The following SLC24A2 variants were observed in gnomAD, a reference collection of about 807,000 sequenced individuals.
The protein encoded by SLC24A2 is sodium/potassium/calcium exchanger 2.
Under a neutral mutation model 62.0 loss-of-function variants are expected in SLC24A2, and 36 were observed. The ratio of observed to expected loss-of-function variants is 0.58; its 90% confidence interval spans 0.44 to 0.77. SLC24A2 has a LOEUF of 0.77. SLC24A2 is among the 30% of genes least tolerant of loss of function. The probability of loss-of-function intolerance (pLI) is 0.00; values close to 1 mark genes in which losing one functional copy is unlikely to be tolerated. For missense variants in SLC24A2, 846 were observed against 817.9 expected (o/e 1.03, Z -0.42); for synonymous variants, 358 against 294.0 (o/e 1.22, Z -2.23).
the SLC24A2 span, among the ~76,000 whole-genome samples, chr9:19,902,741 C>T: frequency 6.6e-6 from 1 of 152,160 alleles, no homozygotes; most frequent in Non-Finnish European, 1.5e-5. Context: ...GCCATATTTT[C>T]AGAGTGAGAA....
At chr9:20,305,153 C>T in the SLC24A2 span, among the ~76,000 whole-genome samples, 8 of 149,142 alleles carry the variant, frequency 5.4e-5, no homozygotes, top group South Asian at 2.1e-4. Flanking sequence ...TCTGTCACCA[C>T]GCTGGAGTGC....
the SLC24A2 span, among the ~76,000 whole-genome samples, chr9:19,945,817 A>G: frequency 2.0e-5 from 3 of 152,236 alleles, no homozygotes; most frequent in African/African-American, 7.2e-5. Flanking sequence ...CAGTGTGAAT[A>G]AACTGGTTTT....
chr9:20,134,196 T>G, the SLC24A2 span, among the ~76,000 whole-genome samples: 1 of 152,258 alleles, frequency 6.6e-6, no homozygotes, highest in Admixed American at 6.5e-5. Flanking sequence ...ACCTGAAAGG[T>G]CTACCATGAT....
chr9:19,851,027 A>ATTTT, the SLC24A2 span, among the ~76,000 whole-genome samples: 2 of 55,256 alleles, frequency 3.6e-5, no homozygotes, highest in Admixed American at 2.6e-4. Flanking sequence ...ATATATACAT[A>ATTTT]TTTTTTTTTT....
At chr9:19,883,834 C>T in the SLC24A2 span, among the ~76,000 whole-genome samples, 1 of 152,130 alleles carries the variant, frequency 6.6e-6, no homozygotes, top group African/African-American at 2.4e-5. Flanking sequence ...CAACTCTACA[C>T]TGTTTTAGAT....
intron 7 of SLC24A2, among the ~76,000 whole-genome samples, chr9:19,556,160 T>C (rs1377814740): frequency 6.6e-6 from 1 of 152,210 alleles, no homozygotes; most frequent in Non-Finnish European, 1.5e-5. Context: ...ATCTGGTAAA[T>C]GGGAGGTACA....
intron 2 of SLC24A2, among the ~76,000 whole-genome samples, chr9:19,725,336 T>G (rs1438098354): frequency 3.3e-5 from 5 of 152,138 alleles, no homozygotes; most frequent in African/African-American, 1.2e-4. Flanking sequence ...TATAACTCAA[T>G]CAGTTGTTTT....
chr9:19,578,109 G>T (rs549305967), intron 5 of SLC24A2, among the ~76,000 whole-genome samples: 137 of 151,206 alleles, frequency 9.1e-4, no homozygotes, highest in African/African-American at 3.2e-3. Flanking sequence ...GGGGGACGAG[G>T]GATAAAGGAC....
At chr9:20,268,259 C>T in the SLC24A2 span, among the ~76,000 whole-genome samples, 1 of 152,102 alleles carries the variant, frequency 6.6e-6, no homozygotes, top group Non-Finnish European at 1.5e-5. Context: ...CAGCCAATAG[C>T]CCCATGGTCT....
At chr9:20,115,263 T>C in the SLC24A2 span, among the ~76,000 whole-genome samples, 1 of 152,116 alleles carries the variant, frequency 6.6e-6, no homozygotes, top group African/African-American at 2.4e-5. Context: ...TCTGCCCAGA[T>C]TGGTAAAGGG....
chr9:19,823,804 G>C, the SLC24A2 span, among the ~76,000 whole-genome samples: 8 of 152,212 alleles, frequency 5.3e-5, no homozygotes, highest in African/African-American at 1.7e-4. Context: ...AAAGAGCATG[G>C]TACTGGTACC....
At chr9:20,249,767 T>C in the SLC24A2 span, among the ~76,000 whole-genome samples, 88 of 149,054 alleles carry the variant, frequency 5.9e-4, no homozygotes, top group Admixed American at 3.1e-3. Flanking sequence ...AGTAATAATA[T>C]CTGCTATTAT....
At chr9:19,688,388 G>A (rs556830172) in intron 2 of SLC24A2, among the ~76,000 whole-genome samples, 3 of 152,052 alleles carry the variant, frequency 2.0e-5, no homozygotes, top group Non-Finnish European at 2.9e-5. Context: ...AAATGGTGCC[G>A]ATAGAAAGCT....
At chr9:19,549,953 C>A (rs923828463) in intron 8 of SLC24A2, among the ~76,000 whole-genome samples, 184 bp downstream of exon 8, 2 of 152,312 alleles carry the variant, frequency 1.3e-5, no homozygotes, top group African/African-American at 4.8e-5. Flanking sequence ...GTCACTTTCT[C>A]TTTTTCCTTA....
At chr9:19,752,919 T>C (rs559699923) in intron 2 of SLC24A2, among the ~76,000 whole-genome samples, 1 of 152,180 alleles carries the variant, frequency 6.6e-6, no homozygotes, top group Non-Finnish European at 1.5e-5. Context: ...ACTAGGCTCC[T>C]ACTGCAAAAC....
chr9:20,040,398 G>A, the SLC24A2 span, among the ~76,000 whole-genome samples: 1 of 152,204 alleles, frequency 6.6e-6, no homozygotes, highest in Non-Finnish European at 1.5e-5. Flanking sequence ...GCTTTAGGGT[G>A]GGAAGGAGGG....
chr9:19,965,824 G>A, the SLC24A2 span, among the ~76,000 whole-genome samples: 1 of 152,146 alleles, frequency 6.6e-6, no homozygotes, highest in African/African-American at 2.4e-5. Context: ...AGAAGGAATG[G>A]CCTTACTTGG....
At chr9:20,113,819 A>C in the SLC24A2 span, among the ~76,000 whole-genome samples, 2 of 152,164 alleles carry the variant, frequency 1.3e-5, no homozygotes, top group African/African-American at 4.8e-5. Context: ...TTCCTCTTTC[A>C]ATCAAGATGG....
chr9:20,236,664 C>A, the SLC24A2 span, among the ~76,000 whole-genome samples: 1 of 152,116 alleles, frequency 6.6e-6, no homozygotes, highest in African/African-American at 2.4e-5. Context: ...TACTCAGAAA[C>A]CCCTGAATAA....
Sources: allele counts gnomAD v4.1 joint callset (sites outside exome capture counted in the v4.1 genomes callset), GRCh38; gene constraint gnomAD v4.1.1; transcripts MANE v1.5; gene names NCBI Gene and HGNC (gene_info 2026-07-23, HGNC 2026-07-21).